The following DCC variants were observed in gnomAD, a reference collection of about 807,000 sequenced individuals.
DCC encodes netrin receptor DCC.
In DCC, 58 loss-of-function variants were observed where a neutral mutation model predicts 172.5. That is an observed-to-expected ratio of 0.34 (90% CI 0.27 to 0.42). The LOEUF (loss-of-function observed/expected upper bound fraction) is 0.42, where lower values mean the gene tolerates loss of function less well. Ranked by LOEUF, DCC falls within the 10% of genes least tolerant of loss-of-function variation. DCC has a pLI of 1.00. For missense variants in DCC, 1,740 were observed against 1,791.0 expected, an observed-to-expected ratio of 0.97 and a Z score of 0.51; for synonymous variants, 709 against 644.5, an observed-to-expected ratio of 1.10 and a Z score of -1.52.
intron 1 of DCC, among the ~76,000 whole-genome samples, chr18:52,607,481 T>C (rs1188557590): frequency 6.6e-6 from 1 of 152,164 alleles, no homozygotes; most frequent in Non-Finnish European, 1.5e-5. Context: ...TAGAGCGTAC[T>C]TTTTGGCAAT....
intron 12 of DCC, among the ~76,000 whole-genome samples, chr18:53,244,150 A>T (rs911534000): frequency 6.6e-6 from 1 of 152,120 alleles, no homozygotes; most frequent in African/African-American, 2.4e-5. Flanking sequence ...TCTTTCCACC[A>T]TGGAAAACTG....
Position 52,542,159 on chromosome 18 carries a change from G to T in DCC, c.91+201281G>T, listed in dbSNP as rs534183291. On this transcript the variant is annotated intron_variant, in intron 1 of 28. Transcript: ENST00000442544. ...TCCTGAAGTAAAAATGCAACAAAATGTATAGTTTTTACTACAGAATGATCC... is the reference window on the plus strand; with the variant it reads ...TCCTGAAGTAAAAATGCAACAAAATTTATAGTTTTTACTACAGAATGATCC... 4.0e-5 allele frequency among the ~76,000 whole-genome samples: 6 copies of T among 151,196 alleles called. No individual in the cohort carries two copies. In the East Asian group the frequency reaches 1.2e-3, roughly 29 times the overall value.
At chr18:52,682,910 A>T (rs760400919) in intron 1 of DCC, among the ~76,000 whole-genome samples, 8 of 152,096 alleles carry the variant, frequency 5.3e-5, no homozygotes, top group Non-Finnish European at 1.0e-4. Context: ...TGTTGAGGTG[A>T]CATTATCAGA....
At chr18:53,313,457 G>C (rs2057307175) in intron 13 of DCC, among the ~76,000 whole-genome samples, 1 of 152,080 alleles carries the variant, frequency 6.6e-6, no homozygotes, top group Admixed American at 6.5e-5. Flanking sequence ...TGTTGACCAA[G>C]CTGGTCTGGA....
intron 3 of DCC, among the ~76,000 whole-genome samples, chr18:52,913,676 G>T (rs1456076122): frequency 5.9e-5 from 9 of 151,984 alleles, no homozygotes; most frequent in Admixed American, 5.9e-4. Flanking sequence ...GAGAGAACCT[G>T]TTTTTTCCCA....
intron 13 of DCC, among the ~76,000 whole-genome samples, chr18:53,320,880 C>T (rs577106537): frequency 5.4e-4 from 82 of 152,180 alleles, no homozygotes; most frequent in African/African-American, 1.9e-3. Context: ...AGCTTCTAGT[C>T]TATTTTATAA....
At chr18:52,568,330 A>G (rs903202620) in intron 1 of DCC, among the ~76,000 whole-genome samples, 1 of 152,186 alleles carries the variant, frequency 6.6e-6, no homozygotes, top group Non-Finnish European at 1.5e-5. Flanking sequence ...CTTTCAACAA[A>G]TGAATGAAAT....
intron 19 of DCC, among the ~76,000 whole-genome samples, chr18:53,408,543 T>C (rs1047439361): frequency 1.3e-5 from 2 of 152,128 alleles, no homozygotes; most frequent in Non-Finnish European, 2.9e-5. Flanking sequence ...ATTGTGAAAT[T>C]GATATTCCAT....
intron 1 of DCC, among the ~76,000 whole-genome samples, chr18:52,730,585 A>G (rs1346083799): frequency 7.2e-5 from 11 of 152,168 alleles, no homozygotes; most frequent in Non-Finnish European, 1.5e-5. Context: ...TGTTTTCTAT[A>G]GTTAACGACT....
At chr18:53,318,768 T>G (rs75048819) in intron 13 of DCC, among the ~76,000 whole-genome samples, 44,210 of 149,596 alleles carry the variant, frequency 0.3, 8,530 homozygotes, top group Non-Finnish European at 0.44. Flanking sequence ...TTTTTTTTTT[T>G]TTTGTGATCT....
chr18:53,086,648 T>C, intron 7 of DCC, among the ~76,000 whole-genome samples: 1 of 90,204 alleles, frequency 1.1e-5, no homozygotes, highest in Non-Finnish European at 2.1e-5. Flanking sequence ...ATGTGCATAA[T>C]GTGCAGGTTA....
intron 13 of DCC, among the ~76,000 whole-genome samples, chr18:53,312,956 G>C (rs1450601987): frequency 8.2e-6 from 1 of 122,482 alleles, no homozygotes; most frequent in African/African-American, 3.0e-5. Flanking sequence ...GGAGGGAAGG[G>C]AGGAGGGAGT....
intron 27 of DCC, among the ~76,000 whole-genome samples, chr18:53,513,496 C>T (rs1326582356): frequency 6.6e-6 from 1 of 152,132 alleles, no homozygotes; most frequent in African/African-American, 2.4e-5. Flanking sequence ...ACTAAATGCT[C>T]CAATTAAAAG....
rs570386685 is a variant in DCC at position 52,804,050 on chromosome 18, C to T, written c.412+51676C>T. Among the ~76,000 whole-genome samples the T allele has an allele frequency of 2.0e-5, 3 of 152,226 alleles. No individual in the cohort carries two copies. The South Asian group carries it at 6.2e-4, about 32-fold the overall frequency. On this transcript the variant is annotated intron_variant, in intron 2 of 28. Transcript: ENST00000442544. ...TGATGTGTGTGGGTGCCAGTGGTGG[C>T]ATGTAGGGTAGATTGATAACCTGGC...
chr18:52,641,085 T>G (rs1402746490), intron 1 of DCC, among the ~76,000 whole-genome samples: 1 of 152,132 alleles, frequency 6.6e-6, no homozygotes, highest in Non-Finnish European at 1.5e-5. Context: ...AACTGATCTT[T>G]GACAAAGCAA....
chr18:52,941,330 A>C (rs2145524049), intron 5 of DCC, among the ~76,000 whole-genome samples: 2 of 152,264 alleles, frequency 1.3e-5, no homozygotes, highest in South Asian at 2.1e-4. Flanking sequence ...ATAAAAGGGA[A>C]GCTGTAGATT....
chr18:53,088,629 GT>G (rs1447598217), intron 7 of DCC, among the ~76,000 whole-genome samples: 1 of 152,112 alleles, frequency 6.6e-6, no homozygotes, highest in African/African-American at 2.4e-5. Context: ...TCCAGTAGCT[GT>G]TTTTTTGAAA....
intron 2 of DCC, among the ~76,000 whole-genome samples, chr18:52,844,548 A>G (rs1042988677): frequency 2.0e-5 from 3 of 152,212 alleles, no homozygotes; most frequent in African/African-American, 7.2e-5. Context: ...GTGACTCATC[A>G]TGGTATACAT....
intron 1 of DCC, among the ~76,000 whole-genome samples, chr18:52,377,936 G>A (rs1985421825): frequency 6.6e-6 from 1 of 152,026 alleles, no homozygotes; most frequent in African/African-American, 2.4e-5. Flanking sequence ...CTGACCTCAA[G>A]TGATCCCCCT....
Sources: gnomAD v4.1 joint callset for allele counts (sites outside exome capture counted in the v4.1 genomes callset) on GRCh38, gnomAD v4.1.1 for gene constraint, MANE v1.5 for transcripts, NCBI Gene and HGNC (gene_info 2026-07-23, HGNC 2026-07-21) for gene names.